The following KSR2 variants were observed in gnomAD, a reference collection of about 807,000 sequenced individuals.
The protein encoded by KSR2 is kinase suppressor of ras 2.
In KSR2, 25 loss-of-function variants were observed where a neutral mutation model predicts 107.8. That is an observed-to-expected ratio of 0.23 (90% CI 0.17 to 0.32). The LOEUF is 0.32. Among genes scored for constraint, KSR2 ranks in the 10% least tolerant of loss-of-function variants. KSR2 has a pLI of 1.00. For synonymous variants in KSR2, 480 were observed against 507.0 expected, an observed-to-expected ratio of 0.95 and a Z score of 0.71; for missense variants, 887 against 1,268.9, an observed-to-expected ratio of 0.70 and a Z score of 4.57.
At chr12:117,794,375 T>A (rs145084103) in intron 3 of KSR2, among the ~76,000 whole-genome samples, 694 of 14,194 alleles carry the variant, frequency 0.049, 182 homozygotes, top group African/African-American at 0.3. Flanking sequence ...ACATGCACAC[T>A]CACACCAACA....
intron 14 of KSR2, among the ~76,000 whole-genome samples, chr12:117,500,841 A>G (rs1207405802): frequency 6.6e-6 from 1 of 152,244 alleles, no homozygotes; most frequent in Non-Finnish European, 1.5e-5. Context: ...GTTTGACCAA[A>G]GCCCCTGGGC....
chr12:117,579,010 A>G (rs1251376504), intron 7 of KSR2, 109 bp downstream of exon 7: 1 of 795,334 alleles, frequency 1.3e-6, no homozygotes. Context: ...AAAGCAAACA[A>G]CTCTCCCAAG....
chr12:117,584,359 T>A (rs1378557882), intron 5 of KSR2, among the ~76,000 whole-genome samples: 1 of 150,488 alleles, frequency 6.6e-6, no homozygotes, highest in African/African-American at 2.4e-5. Context: ...TTCCACCCAT[T>A]AACTCCTTAA....
intron 3 of KSR2, among the ~76,000 whole-genome samples, chr12:117,846,655 T>G (rs1044497051): frequency 7.2e-5 from 11 of 152,226 alleles, no homozygotes; most frequent in African/African-American, 2.4e-4. Context: ...AGCAGCACTG[T>G]CCACTAGAAT....
chr12:117,889,893 G>A (rs1203553653), intron 1 of KSR2, among the ~76,000 whole-genome samples: 1 of 152,182 alleles, frequency 6.6e-6, no homozygotes, highest in East Asian at 1.9e-4. Flanking sequence ...TCCCACAACA[G>A]GGAGGTATTC....
At position 117,669,090 on chromosome 12, in the gene KSR2, C is replaced by G. The variant is rs539504528; in HGVS notation, c.987-1432G>C. Among the ~76,000 whole-genome samples the G allele has an allele frequency of 1.5e-4, 23 of 152,224 alleles. No individual in the cohort carries two copies. The South Asian group carries it at 4.8e-3, about 32-fold the overall frequency. ...TCCTACACACGGGCATTGGTCTCAC[C>G]CCACCAGTGGGTGAGCATCTGCCTT... On this transcript the variant is annotated intron_variant, in intron 4 of 19. Transcript: ENST00000339824.
At chr12:117,484,634 T>C (rs1450599022) in intron 15 of KSR2, 85 bp from the exon 16 acceptor site, 2 of 1,415,704 alleles carry the variant, frequency 1.4e-6, no homozygotes, top group African/African-American at 1.4e-5. Flanking sequence ...TTCCTTGTCC[T>C]GAAGACTTGG....
chr12:117,938,560 T>TA (rs367936575), intron 1 of KSR2, among the ~76,000 whole-genome samples: 1 of 147,642 alleles, frequency 6.8e-6, no homozygotes, highest in East Asian at 2.0e-4. Flanking sequence ...AGTATAATAA[T>TA]AATAAATAAA....
intron 1 of KSR2, among the ~76,000 whole-genome samples, chr12:117,899,353 C>T (rs1443628681): frequency 1.3e-5 from 2 of 151,940 alleles, no homozygotes; most frequent in African/African-American, 4.8e-5. Flanking sequence ...ATTAGCCAGG[C>T]GTGGTGGCAC....
intron 1 of KSR2, 72 bp from the exon 2 acceptor site, chr12:117,860,503 C>G (rs973121372): frequency 7.0e-7 from 1 of 1,430,354 alleles, no homozygotes; most frequent in African/African-American, 1.4e-5. Flanking sequence ...GCGAGAACCC[C>G]CTACGAACCC....
chr12:117,477,802 C>G (rs1871884689), intron 16 of KSR2, among the ~76,000 whole-genome samples: 1 of 152,224 alleles, frequency 6.6e-6, no homozygotes, highest in Non-Finnish European at 1.5e-5. Context: ...GCTGTTGGGC[C>G]TTGGGCGGGT....
At chr12:117,894,475 G>A (rs1894445134) in intron 1 of KSR2, among the ~76,000 whole-genome samples, 1 of 151,972 alleles carries the variant, frequency 6.6e-6, no homozygotes, top group South Asian at 2.1e-4. Context: ...GGCCAGCCTG[G>A]GCAACACAGA....
chr12:117,846,290 T>C (rs1201414647), intron 3 of KSR2, among the ~76,000 whole-genome samples: 1 of 140,940 alleles, frequency 7.1e-6, no homozygotes, highest in Admixed American at 8.1e-5. Flanking sequence ...TATTACCATT[T>C]GATTTTTTTT....
intron 14 of KSR2, among the ~76,000 whole-genome samples, chr12:117,514,544 CTTTTT>C (rs55927845): frequency 1.5e-5 from 2 of 130,078 alleles, no homozygotes; most frequent in African/African-American, 5.9e-5. Context: ...CTCTCTCTCT[CTTTTT>C]TTTTTTTTTT....
chr12:117,535,841 A>G (rs1876015069), intron 10 of KSR2, among the ~76,000 whole-genome samples: 1 of 152,126 alleles, frequency 6.6e-6, no homozygotes, highest in African/African-American at 2.4e-5. Context: ...TACTGATGAG[A>G]AACAGACCTA....
At chr12:117,722,949 A>C (rs1887271707) in intron 4 of KSR2, among the ~76,000 whole-genome samples, 1 of 152,178 alleles carries the variant, frequency 6.6e-6, no homozygotes, top group African/African-American at 2.4e-5. Flanking sequence ...AGTATCCCGT[A>C]TTCCCATGGC....
intron 14 of KSR2, among the ~76,000 whole-genome samples, chr12:117,517,222 G>T (rs10774929): frequency 0.42 from 64,074 of 152,050 alleles, 13,641 homozygotes; most frequent in South Asian, 0.55. Context: ...GTTAAACCAC[G>T]TCATGTTTTA....
chr12:117,676,722 C>CAATTTT (rs1565956319), intron 4 of KSR2, among the ~76,000 whole-genome samples: 51 of 152,200 alleles, frequency 3.4e-4, no homozygotes, highest in African/African-American at 1.2e-3. Context: ...TTGGTACAAC[C>CAATTTT]GTTTTTGAAA....
intron 3 of KSR2, among the ~76,000 whole-genome samples, chr12:117,769,543 G>C (rs1889360519): frequency 6.6e-6 from 1 of 152,094 alleles, no homozygotes; most frequent in East Asian, 1.9e-4. Context: ...TGTAGAATGG[G>C]GACAACAGCA....
Sources: allele counts gnomAD v4.1 joint callset (sites outside exome capture counted in the v4.1 genomes callset), GRCh38; gene constraint gnomAD v4.1.1; transcripts MANE v1.5; gene names NCBI Gene and HGNC (gene_info 2026-07-23, HGNC 2026-07-21).